The following SPNS2 variants were observed in gnomAD, a reference collection of about 807,000 sequenced individuals.
SPNS2 encodes SPNS lysolipid transporter 2, sphingosine-1-phosphate, also known as sphingosine-1-phosphate transporter SPNS2.
A neutral mutation model predicts 57.6 loss-of-function variants in SPNS2; 37 were observed. The ratio of observed to expected loss-of-function variants is 0.64; its 90% CI spans 0.49 to 0.85. The LOEUF is 0.85. Ranked by LOEUF, SPNS2 falls within the 40% of genes least tolerant of loss-of-function variation. The pLI is 0.00. For missense variants in SPNS2, 831 were observed against 779.1 expected (o/e 1.07, Z -0.79); for synonymous variants, 440 against 346.9 (o/e 1.27, Z -2.98).
In SPNS2 at chr17:4,499,277, CCCCCGGCTG is replaced by C. The variant is rs1374061502; in HGVS notation, c.232_240del (p.Pro78_Cys80del). The C allele has an allele frequency of 1.6e-5, 24 of 1,488,340 alleles. No individual in the cohort carries two copies. Among genetic ancestry groups the C allele is most frequent in the Admixed American group, 2.2e-5 (1 of 45,386 alleles). The allele number at this position is 1,488,340 out of a possible 1,614,324, so 92.2% of individuals were successfully genotyped here. ...ACCGGACCCCCCGGCACCCCCGGCA[CCCCCGGCTG>C]CGCAGCTACTGCAAAGGGCCCCGGC... On this transcript the variant is annotated inframe_deletion, in exon 1 of 13. Transcript: ENST00000329078. This position sits in a 1 kb window ranked among gnomAD's most constrained non-coding sequence, Gnocchi z 5.2.
At chr17:4,506,478 C>T (rs1224510497) in intron 1 of SPNS2, among the ~76,000 whole-genome samples, 2 of 152,288 alleles carry the variant, frequency 1.3e-5, no homozygotes, top group South Asian at 2.1e-4. Context: ...GGAGGCTGAG[C>T]TGGGGAAGGA....
At chr17:4,506,666 G>T (rs1029305083) in intron 1 of SPNS2, among the ~76,000 whole-genome samples, 3 of 152,198 alleles carry the variant, frequency 2.0e-5, no homozygotes, top group Admixed American at 6.5e-5. Context: ...TGTCTCTCTA[G>T]GGCTAGCGGG....
intron 1 of SPNS2, among the ~76,000 whole-genome samples, chr17:4,507,839 G>A (rs1285969090): frequency 5.3e-5 from 8 of 152,228 alleles, no homozygotes; most frequent in East Asian, 1.9e-4. Flanking sequence ...CACGCTGTTG[G>A]CATCTTGCAT....
rs1390380658 is a variant in SPNS2 at position 4,538,394 on chromosome 17, C to CA, written c.*947dup. 5.3e-6 allele frequency: 1 copy of CA among 189,986 alleles called. No individual in the cohort carries two copies. The highest frequency in any genetic ancestry group is 1.1e-5 in the Non-Finnish European group (1 of 92,488). 11.8% of individuals were successfully genotyped at this position (189,986 alleles called of 1,614,324 possible). ...CAGCTATCCACAAAGCTTCCTGCCCCAGAGCTGAGGCTGAGGCCCCGGGAG... is the reference window on the plus strand; with the variant it reads ...CAGCTATCCACAAAGCTTCCTGCCCCAAGAGCTGAGGCTGAGGCCCCGGGAG... On this transcript the variant is annotated 3_prime_UTR_variant, in exon 13 of 13. Coordinates refer to ENST00000329078, the MANE Select transcript of SPNS2 (RefSeq NM_001124758.3).
chr17:4,531,184 G>C, intron 5 of SPNS2, 65 bp downstream of exon 5: 1 of 1,526,126 alleles, frequency 6.6e-7, no homozygotes, highest in Non-Finnish European at 9.0e-7. Flanking sequence ...GGGTTGCCCA[G>C]AGATGTAATC....
chr17:4,504,505 A>G (rs561967149), intron 1 of SPNS2, among the ~76,000 whole-genome samples: 21 of 152,318 alleles, frequency 1.4e-4, no homozygotes, highest in Non-Finnish European at 3.1e-4. Flanking sequence ...CATTTTGTGG[A>G]TGAGGCAGGA....
Position 4,517,428 on chromosome 17 carries a change from C to T in SPNS2, c.436+4116C>T, listed in dbSNP as rs148949063. ...ATCCCAGCACTTTGGGAGGCTGAGG[C>T]GGGTGGATCACCCGAGGTCAGCAGT... On this transcript the variant is annotated intron_variant, in intron 2 of 12. Transcript: ENST00000329078. 5.0e-3 allele frequency among the ~76,000 whole-genome samples: 756 copies of T among 152,300 alleles called. 4 individuals are homozygous for T. Among genetic ancestry groups the T allele is most frequent in the African/African-American group, 0.017 (710 of 41,556 alleles).
At chr17:4,535,983 G>T (rs1375719639) in intron 9 of SPNS2, 93 bp from the exon 10 acceptor site, 4 of 1,018,950 alleles carry the variant, frequency 3.9e-6, no homozygotes, top group Non-Finnish European at 5.9e-6. Context: ...GAGTCTGAGG[G>T]TGTGGGGGCT....
At position 4,538,812 on chromosome 17, in the gene SPNS2, T is replaced by C; in HGVS notation, c.*1364T>C. On this transcript the variant is annotated 3_prime_UTR_variant, in exon 13 of 13. Transcript: ENST00000329078. Reference sequence around the variant, plus strand: ...GCCTGACAAGAGGATGGGGTGGGGGTGGCATCCTCCAAAGACCAGCCTCCA... The same window carrying C: ...GCCTGACAAGAGGATGGGGTGGGGGCGGCATCCTCCAAAGACCAGCCTCCA... 1.3e-6 allele frequency: 1 copy of C among 767,206 alleles called. No individual in the cohort carries two copies. Among genetic ancestry groups the C allele is most frequent in the East Asian group, 2.4e-5 (1 of 40,946 alleles). 47.5% of individuals were successfully genotyped at this position (767,206 alleles called of 1,614,324 possible). A position where few individuals can be genotyped will look rare whatever the true frequency, so the allele number is the denominator to read the frequency against.
At chr17:4,515,051 C>T (rs532546916) in intron 2 of SPNS2, among the ~76,000 whole-genome samples, 62 of 152,102 alleles carry the variant, frequency 4.1e-4, no homozygotes, top group African/African-American at 1.4e-3. Context: ...AGGGAGGGGG[C>T]GGGAGGTACA....
At chr17:4,535,608 G>A (rs550685286) in intron 9 of SPNS2, among the ~76,000 whole-genome samples, 5 of 152,296 alleles carry the variant, frequency 3.3e-5, no homozygotes, top group East Asian at 3.9e-4. Context: ...TCCGAGGCTC[G>A]GAGGGCTCTG....
chr17:4,516,551 T>C (rs945428995), intron 2 of SPNS2, among the ~76,000 whole-genome samples: 4 of 152,124 alleles, frequency 2.6e-5, no homozygotes, highest in African/African-American at 9.7e-5. Flanking sequence ...CAGGGGGCTG[T>C]GGGAGCCTGG....
rs1904822232 is a variant in SPNS2 at position 4,511,244 on chromosome 17, G to A, written c.371-2003G>A. ...AACTAACTTATTGAGGGTGGTGGGA[G>A]GGGAGCAAGCAGGGGAGATATTCCA... On this transcript the variant is annotated intron_variant, in intron 1 of 12. Transcript: ENST00000329078. The surrounding 1 kb of genome is among the most constrained non-coding windows in gnomAD (Gnocchi z 4.6). 6.6e-6 allele frequency among the ~76,000 whole-genome samples: 1 copy of A among 152,208 alleles called. No individual in the cohort carries two copies. Among genetic ancestry groups the A allele is most frequent in the South Asian group, 2.1e-4 (1 of 4,834 alleles).
At chr17:4,507,027 T>C (rs1904698316) in intron 1 of SPNS2, among the ~76,000 whole-genome samples, 1 of 152,050 alleles carries the variant, frequency 6.6e-6, no homozygotes, top group Non-Finnish European at 1.5e-5. Context: ...TGTGCCTGAG[T>C]CCAGAGCACT....
chr17:4,518,535 A>AAAAC (rs60632471), intron 2 of SPNS2, among the ~76,000 whole-genome samples: 8,823 of 152,212 alleles, frequency 0.058, 324 homozygotes, highest in African/African-American at 0.1. Flanking sequence ...AAACAAAACA[A>AAAAC]AAACAAACAA....
In SPNS2 at chr17:4,538,916, C is replaced by G. The variant is rs750065278; in HGVS notation, c.*1468C>G. 5.1e-6 allele frequency: 4 copies of G among 782,004 alleles called. No individual in the cohort carries two copies. Among genetic ancestry groups the G allele is most frequent in the Admixed American group, 3.4e-5 (2 of 58,986 alleles). The allele number at this position is 782,004 out of a possible 1,614,324, so 48.4% of individuals were successfully genotyped here. A position where few individuals can be genotyped will look rare whatever the true frequency, so the allele number is the denominator to read the frequency against. On this transcript the variant is annotated 3_prime_UTR_variant, in exon 13 of 13. Coordinates refer to ENST00000329078, the MANE Select transcript of SPNS2 (RefSeq NM_001124758.3). ...CCAGGTCCGAGTGTTGCCTCCTCTT[C>G]CTTCCGGAAGCCAAACTGCTCCTTT...
chr17:4,533,896 G>C (rs1905625167), intron 9 of SPNS2, 43 bp downstream of exon 9: 1 of 1,441,182 alleles, frequency 6.9e-7, no homozygotes, highest in African/African-American at 1.4e-5. Flanking sequence ...GCTGACCCAG[G>C]CCTCTTGACC....
Position 4,516,675 on chromosome 17 carries a change from G to A in SPNS2, c.436+3363G>A, listed in dbSNP as rs1020907816. 3.9e-5 allele frequency among the ~76,000 whole-genome samples: 6 copies of A among 152,246 alleles called. 1 individual carries two copies. Among genetic ancestry groups the A allele is most frequent in the Admixed American group, 2.6e-4 (4 of 15,288 alleles). On this transcript the variant is annotated intron_variant, in intron 2 of 12. Transcript: ENST00000329078. ...GGATGAGTTAGAGTTTGTAGTCAGT[G>A]TGTGAGATCGAGTAGATGTGTGAAG...
intron 12 of SPNS2, 116 bp from the exon 13 acceptor site, chr17:4,537,337 C>G (rs764360433): frequency 1.5e-5 from 6 of 404,752 alleles, no homozygotes; most frequent in Non-Finnish European, 2.9e-5. Flanking sequence ...AGGGTCACAG[C>G]TGCAGGTCCA....
Sources: allele counts gnomAD v4.1 joint callset (sites outside exome capture counted in the v4.1 genomes callset), GRCh38; gene constraint gnomAD v4.1.1; non-coding constraint Gnocchi (gnomAD v3.1); transcripts MANE v1.5; gene names NCBI Gene and HGNC (gene_info 2026-07-23, HGNC 2026-07-21).